TNFRSF21: variants seen among roughly 807,000 people sequenced by gnomAD.
TNFRSF21 encodes TNF receptor superfamily member 21.
Under a neutral mutation model 45.6 loss-of-function variants are expected in TNFRSF21, and 19 were observed. The observed-to-expected ratio is 0.42, with a 90% CI of 0.29 to 0.61. The LOEUF is 0.61. Among genes scored for constraint, TNFRSF21 ranks in the 20% least tolerant of loss-of-function variants. The probability of loss-of-function intolerance (pLI) is 0.23; values close to 1 mark genes in which losing one functional copy is unlikely to be tolerated. For synonymous variants in TNFRSF21, 314 were observed against 335.5 expected, an observed-to-expected ratio of 0.94 and a Z score of 0.70; for missense variants, 737 against 851.5, an observed-to-expected ratio of 0.87 and a Z score of 1.67.
intron 1 of TNFRSF21, 31 bp from the exon 2 acceptor site, chr6:47,286,626 C>T (rs752954778): frequency 1.7e-5 from 27 of 1,566,322 alleles, no homozygotes; most frequent in Non-Finnish European, 2.3e-5. Context: ...GGGAAAGGAA[C>T]AAAAACCAAG....
At chr6:47,260,341 C>G (rs1024184943) in intron 3 of TNFRSF21, among the ~76,000 whole-genome samples, 1 of 152,194 alleles carries the variant, frequency 6.6e-6, no homozygotes, top group African/African-American at 2.4e-5. Flanking sequence ...CAGCAGTACT[C>G]AATGGGTTCT....
In TNFRSF21 at chr6:47,281,439, G is replaced by A. The variant is rs370588564; in HGVS notation, c.1243+2499C>T. Reference sequence around the variant, plus strand: ...TCTGTGGCCCAGGCCGGAGTGCAGCGGCACGATCCTGGCTCACTGCAACCT... The same window carrying A: ...TCTGTGGCCCAGGCCGGAGTGCAGCAGCACGATCCTGGCTCACTGCAACCT... On this transcript the variant is annotated intron_variant, in intron 3 of 5. Coordinates refer to ENST00000296861, the MANE Select transcript of TNFRSF21 (RefSeq NM_014452.5). 1.5e-4 allele frequency among the ~76,000 whole-genome samples: 23 copies of A among 151,024 alleles called. 1 individual carries two copies. The South Asian group carries it at 2.9e-3, about 19-fold the overall frequency.
In TNFRSF21 at chr6:47,232,774, G is replaced by A; in HGVS notation, c.1959C>T (p.Asp653=). ...GCAGTATCCCTATGTTCTACAGCAG[G>A]TCAGGAAGATGGCTATAAACAGAGT... ...LLDSVYSHLP[D]LL Residue 653 remains aspartate (D), a synonymous_variant, in exon 6 of 6, where the codon GAC becomes GAT. Transcript: ENST00000296861. The A allele has an allele frequency of 1.9e-6, 3 of 1,613,968 alleles. No individual in the cohort carries two copies. Among genetic ancestry groups the A allele is most frequent in the Non-Finnish European group, 2.5e-6 (3 of 1,179,964 alleles).
rs1762467603 is a variant in TNFRSF21 at position 47,274,436 on chromosome 6, A to T, written c.1243+9502T>A. On this transcript the variant is annotated intron_variant, in intron 3 of 5. Transcript: ENST00000296861. ...GGTGTTGGGAAAACTGGCTAGCCACATGTAGAAAGCTGAAACTGGATCCCT... is the reference window on the plus strand; with the variant it reads ...GGTGTTGGGAAAACTGGCTAGCCACTTGTAGAAAGCTGAAACTGGATCCCT... Among the ~76,000 whole-genome samples, 3 of 152,226 alleles carry T rather than the reference A, an allele frequency of 2.0e-5. No individual in the cohort carries two copies. The South Asian group carries it at 6.2e-4, about 32-fold the overall frequency.
intron 1 of TNFRSF21, among the ~76,000 whole-genome samples, chr6:47,288,435 G>A (rs1280467053): frequency 1.3e-5 from 2 of 152,244 alleles, no homozygotes; most frequent in African/African-American, 2.4e-5. Flanking sequence ...GCAACGCTCC[G>A]TAACTTGATC....
At chr6:47,289,603 G>GT (rs1762693555) in intron 1 of TNFRSF21, among the ~76,000 whole-genome samples, 2 of 151,988 alleles carry the variant, frequency 1.3e-5, no homozygotes, top group Non-Finnish European at 2.9e-5. Context: ...TCATTTTCTT[G>GT]TTCCTTCTAT....
intron 3 of TNFRSF21, among the ~76,000 whole-genome samples, chr6:47,267,087 T>A (rs949976128): frequency 2.2e-5 from 2 of 90,102 alleles, no homozygotes; most frequent in African/African-American, 8.5e-5. Context: ...CTGATTTTCT[T>A]TTTTCTTTTT....
intron 5 of TNFRSF21, among the ~76,000 whole-genome samples, chr6:47,233,260 G>A (rs114457138): frequency 0.011 from 1,725 of 152,296 alleles, 41 homozygotes; most frequent in African/African-American, 0.039. Context: ...GGCTTGCTGA[G>A]TTATCATTAA....
At chr6:47,275,518 C>G (rs533382795) in intron 3 of TNFRSF21, among the ~76,000 whole-genome samples, 1 of 151,920 alleles carries the variant, frequency 6.6e-6, no homozygotes, top group Non-Finnish European at 1.5e-5. Context: ...GTGGCGGACT[C>G]GGGGAAGGAT....
At chr6:47,305,942 G>A (rs534074963) in intron 1 of TNFRSF21, among the ~76,000 whole-genome samples, 5 of 152,224 alleles carry the variant, frequency 3.3e-5, no homozygotes, top group Non-Finnish European at 7.4e-5. Context: ...CTTATCACTG[G>A]CACAAACCTA....
intron 1 of TNFRSF21, among the ~76,000 whole-genome samples, chr6:47,295,126 TA>T (rs772544544): frequency 2.0e-5 from 3 of 151,978 alleles, no homozygotes; most frequent in Non-Finnish European, 4.4e-5. Flanking sequence ...TAACCAACAG[TA>T]AAAACTCCCT....
At chr6:47,234,284 T>C (rs762945823) in intron 5 of TNFRSF21, among the ~76,000 whole-genome samples, 2 of 152,310 alleles carry the variant, frequency 1.3e-5, no homozygotes, top group South Asian at 2.1e-4. Flanking sequence ...GCCTAAAACC[T>C]GTACTTCTGA....
intron 3 of TNFRSF21, among the ~76,000 whole-genome samples, chr6:47,275,136 C>A (rs1762479203): frequency 6.6e-6 from 1 of 152,048 alleles, no homozygotes; most frequent in Admixed American, 6.5e-5. Flanking sequence ...ATCATTTGAC[C>A]CAGCAATCCC....
intron 1 of TNFRSF21, among the ~76,000 whole-genome samples, chr6:47,293,087 T>C (rs545446553): frequency 1.3e-5 from 2 of 152,352 alleles, no homozygotes; most frequent in Non-Finnish European, 2.9e-5. Context: ...AGATTCCAAG[T>C]AGATGAGTGA....
intron 3 of TNFRSF21, among the ~76,000 whole-genome samples, chr6:47,261,218 T>C (rs1765069695): frequency 6.6e-6 from 1 of 152,184 alleles, no homozygotes; most frequent in Non-Finnish European, 1.5e-5. Flanking sequence ...AAGCAACATA[T>C]GTCAAAGTCA....
rs527663762 is a variant in TNFRSF21, at chr6:47,302,426, C to T, written c.96+6990G>A. On this transcript the variant is annotated intron_variant, in intron 1 of 5. Transcript: ENST00000296861. ...TTGCTAAGCAGAACCCATGTCACACCGTTATTCACTAAACAAATATTTTTC... is the reference window on the plus strand; with the variant it reads ...TTGCTAAGCAGAACCCATGTCACACTGTTATTCACTAAACAAATATTTTTC... Among the ~76,000 whole-genome samples the T allele has an allele frequency of 5.3e-5, 8 of 152,264 alleles. No homozygotes were observed. The South Asian group carries it at 1.5e-3, about 28-fold the overall frequency.
At chr6:47,253,947 C>A (rs1367067609) in intron 3 of TNFRSF21, among the ~76,000 whole-genome samples, 3 of 152,168 alleles carry the variant, frequency 2.0e-5, no homozygotes, top group Non-Finnish European at 2.9e-5. Flanking sequence ...GCATGAATTT[C>A]TTTTTCCTTC....
intron 4 of TNFRSF21, among the ~76,000 whole-genome samples, chr6:47,240,876 A>AAAC (rs1764735173): frequency 6.6e-6 from 1 of 152,250 alleles, no homozygotes; most frequent in African/African-American, 2.4e-5. Context: ...GCTGGTTAAA[A>AAAC]AAACAAACAA....
chr6:47,234,508 CTCGG>C (rs1274768785), intron 5 of TNFRSF21, among the ~76,000 whole-genome samples, 158 bp downstream of exon 5: 3 of 152,178 alleles, frequency 2.0e-5, no homozygotes, highest in Admixed American at 1.3e-4. Context: ...CGAGGTTACT[CTCGG>C]GCCAGCGTAT....
Sources: gnomAD v4.1 joint callset for allele counts (sites outside exome capture counted in the v4.1 genomes callset) on GRCh38, gnomAD v4.1.1 for gene constraint, MANE v1.5 for transcripts, NCBI Gene and HGNC (gene_info 2026-07-23, HGNC 2026-07-21) for gene names.